Variants in METAP2 observed in about 807,000 individuals in gnomAD.
The protein encoded by METAP2 is methionyl aminopeptidase 2, also known as methionine aminopeptidase 2.
In METAP2, 25 loss-of-function variants were observed where a neutral mutation model predicts 59.4. The ratio of observed to expected loss-of-function variants is 0.42; its 90% CI spans 0.31 to 0.59. The LOEUF is 0.59. Ranked by LOEUF, METAP2 falls within the 20% of genes least tolerant of loss-of-function variation. The pLI is 0.16. For missense variants in METAP2, 366 were observed against 581.2 expected (o/e 0.63, Z 3.81); for synonymous variants, 214 against 194.1 (o/e 1.10, Z -0.85).
chr12:95,492,266 G>T (rs2076244261), intron 4 of METAP2, among the ~76,000 whole-genome samples: 1 of 152,102 alleles, frequency 6.6e-6, no homozygotes, highest in African/African-American at 2.4e-5. Context: ...CTCCCAAACT[G>T]TTGGGATTAT....
At chr12:95,493,165 C>G (rs537979668) in intron 4 of METAP2, among the ~76,000 whole-genome samples, 1 of 152,046 alleles carries the variant, frequency 6.6e-6, no homozygotes, top group South Asian at 2.1e-4. Context: ...AGTCATGGAT[C>G]TTATTCCCAG....
intron 4 of METAP2, among the ~76,000 whole-genome samples, chr12:95,491,489 T>G (rs2076237291): frequency 6.6e-6 from 1 of 152,222 alleles, no homozygotes; most frequent in South Asian, 2.1e-4. Context: ...GGATTTTATG[T>G]GATACATGCA....
chr12:95,487,327 T>TA (rs1243678152), intron 4 of METAP2, among the ~76,000 whole-genome samples: 1 of 151,856 alleles, frequency 6.6e-6, no homozygotes, highest in East Asian at 1.9e-4. Flanking sequence ...TTTTTTTTTT[T>TA]AAAACATAGA....
chr12:95,504,083 C>T lies in METAP2; in HGVS notation c.886C>T (p.Arg296Cys), dbSNP rs2076337324. 2 of 1,612,902 alleles carry T rather than the reference C, an allele frequency of 1.2e-6. No homozygotes were observed. Among genetic ancestry groups the T allele is most frequent in the Non-Finnish European group, 1.7e-6 (2 of 1,179,372 alleles). Reference protein sequence around the residue: ...TGIKCAGIDVRLCDVGEAIQE... With the variant: ...TGIKCAGIDVCLCDVGEAIQE... ...TTTTTAGTGTGCTGGAATTGATGTT[C>T]GTCTGTGTGATGTTGGTGAGGCCAT... Residue 296 changes from arginine to cysteine, a missense_variant, in exon 8 of 11, where the codon CGT (arginine) becomes TGT (cysteine). By Grantham distance (180) the Arg-to-Cys change is radical. Transcript: ENST00000323666.
intron 10 of METAP2, 38 bp from the exon 11 acceptor site, chr12:95,513,614 C>T (rs148671364): frequency 0.022 from 35,029 of 1,594,026 alleles, 506 homozygotes; most frequent in Middle Eastern, 0.037. Context: ...GTTCGTAACT[C>T]TTTTGCCAAC....
rs370344721 is a variant in METAP2, at chr12:95,474,166, C to T, written c.-14C>T. 3.1e-6 allele frequency: 5 copies of T among 1,612,880 alleles called. No individual in the cohort carries two copies. The African/African-American group carries it at 5.3e-5, about 17-fold the overall frequency. On this transcript the variant is annotated 5_prime_UTR_variant, in exon 1 of 11. Coordinates refer to ENST00000323666, the MANE Select transcript of METAP2 (RefSeq NM_006838.4). ...CGCCGCTCTGTCTCATTCCCTCGCG[C>T]TCTCTCGGGCAACATGGCGGGTGTG...
Position 95,515,095 on chromosome 12 carries a change from A to G in METAP2, c.*1191A>G, listed in dbSNP as rs1244060141. 2.6e-5 allele frequency: 4 copies of G among 152,644 alleles called. No homozygotes were observed. The highest frequency in any genetic ancestry group is 2.4e-5 in the African/African-American group (1 of 41,444). 9.5% of individuals were successfully genotyped at this position (152,644 alleles called of 1,614,324 possible). A position where few individuals can be genotyped will look rare whatever the true frequency, so the allele number is the denominator to read the frequency against. On this transcript the variant is annotated 3_prime_UTR_variant, in exon 11 of 11. Transcript: ENST00000323666. ...TAATTTCTAAATCATTTATATATCAAGGTAGCCTTAATTTGTATATGTTTC... is the reference window on the plus strand; with the variant it reads ...TAATTTCTAAATCATTTATATATCAGGGTAGCCTTAATTTGTATATGTTTC...
At chr12:95,513,234 TC>T (rs991180552) in intron 10 of METAP2, among the ~76,000 whole-genome samples, 7 of 152,138 alleles carry the variant, frequency 4.6e-5, no homozygotes, top group South Asian at 2.1e-4. Context: ...TTGGTAAACT[TC>T]CATTTACAGC....
intron 4 of METAP2, among the ~76,000 whole-genome samples, chr12:95,493,052 A>G (rs1200242059): frequency 1.3e-5 from 2 of 152,214 alleles, no homozygotes; most frequent in African/African-American, 2.4e-5. Context: ...AGTGGTCACT[A>G]AGTTGCAAAC....
At position 95,483,235 on chromosome 12, in the gene METAP2, G is replaced by A; in HGVS notation, c.280G>A (p.Gly94Arg). The stretch of plus-strand genomic sequence containing the variant: ...CTTAGATGGAGATGGCGATGGAGAT[G>A]GAGCAACTGGAAAGAAGAAGAAAAA... ...DDEDGDGDGDGATGKKKKKKK... is the reference protein window; with the variant it reads ...DDEDGDGDGDRATGKKKKKKK... The change falls in exon 3 of 11, where the codon GGA becomes AGA. Residue 94 changes from glycine (G) to arginine (R), a missense_variant. This residue lies in a region of METAP2 where 177 missense variants were observed against 180.3 expected (regional missense o/e 0.98). Coordinates refer to ENST00000323666, the MANE Select transcript of METAP2 (RefSeq NM_006838.4). The A allele has an allele frequency of 6.2e-7, 1 of 1,613,110 alleles. No homozygotes were observed. Among genetic ancestry groups the A allele is most frequent in the Non-Finnish European group, 8.5e-7 (1 of 1,179,088 alleles).
intron 7 of METAP2, among the ~76,000 whole-genome samples, chr12:95,497,005 A>G (rs555509532): frequency 6.6e-6 from 1 of 151,450 alleles, no homozygotes; most frequent in Admixed American, 6.6e-5. Context: ...TTATGTTTCT[A>G]GTAGAGATGG....
intron 4 of METAP2, among the ~76,000 whole-genome samples, chr12:95,491,297 T>C (rs567017285): frequency 9.8e-5 from 15 of 152,306 alleles, no homozygotes; most frequent in African/African-American, 2.2e-4. Flanking sequence ...TTATGGGTTA[T>C]TTCATTGGGA....
At chr12:95,479,301 T>TG (rs1344907950) in intron 2 of METAP2, among the ~76,000 whole-genome samples, 1 of 152,272 alleles carries the variant, frequency 6.6e-6, no homozygotes, top group East Asian at 1.9e-4. Flanking sequence ...TCAAAAGACT[T>TG]GGAGACTTGC....
intron 8 of METAP2, among the ~76,000 whole-genome samples, chr12:95,508,682 A>G (rs2076379762): frequency 1.3e-5 from 2 of 152,070 alleles, no homozygotes; most frequent in Non-Finnish European, 2.9e-5. Flanking sequence ...TCCTAATTCT[A>G]CAACTTGTTT....
intron 6 of METAP2, among the ~76,000 whole-genome samples, 179 bp from the exon 7 acceptor site, chr12:95,495,821 TTATA>T (rs1368507606): frequency 2.6e-5 from 4 of 152,180 alleles, no homozygotes; most frequent in African/African-American, 7.2e-5. Flanking sequence ...TCTGAATCCT[TTATA>T]TACTTCTACA....
intron 4 of METAP2, among the ~76,000 whole-genome samples, chr12:95,493,844 GT>G (rs539134101): frequency 6.6e-6 from 1 of 152,144 alleles, no homozygotes; most frequent in Non-Finnish European, 1.5e-5. Context: ...TCACATGAGG[GT>G]TTTTTTCCCT....
At position 95,483,325 on chromosome 12, in the gene METAP2, A is replaced by G. The variant is rs2076172793; in HGVS notation, c.325+45A>G. The G allele has an allele frequency of 2.0e-6, 3 of 1,486,836 alleles. No homozygotes were observed. In the African/African-American group the frequency reaches 4.2e-5, roughly 21 times the overall value. The allele number at this position is 1,486,836 out of a possible 1,614,324, so 92.1% of individuals were successfully genotyped here. A position where few individuals can be genotyped will look rare whatever the true frequency, so the allele number is the denominator to read the frequency against. ...GTTAATTGATATATTAGAAGTGTTTATTCTGTCGGGTGTGGTGGCTCACAC... is the reference window on the plus strand; with the variant it reads ...GTTAATTGATATATTAGAAGTGTTTGTTCTGTCGGGTGTGGTGGCTCACAC... On this transcript the variant is annotated intron_variant, in intron 3 of 10. Transcript: ENST00000323666.
intron 4 of METAP2, among the ~76,000 whole-genome samples, chr12:95,491,009 T>A (rs1328125106): frequency 6.6e-6 from 1 of 152,122 alleles, no homozygotes. Flanking sequence ...TTCTGCTACA[T>A]TAGATGTAAT....
chr12:95,492,132 T>TAGTGTGTG (rs1555191428), intron 4 of METAP2, among the ~76,000 whole-genome samples: 2 of 149,426 alleles, frequency 1.3e-5, no homozygotes, highest in East Asian at 4.0e-4. Context: ...ATATGTGTGT[T>TAGTGTGTG]TGTGTGTGTG....
Sources: gnomAD v4.1 joint callset for allele counts (sites outside exome capture counted in the v4.1 genomes callset) on GRCh38, gnomAD v4.1.1 for gene constraint, gnomAD v4.1.1 regional missense constraint, MANE v1.5 for transcripts, NCBI Gene and HGNC (gene_info 2026-07-23, HGNC 2026-07-21) for gene names.